XPC: variants seen among roughly 807,000 people sequenced by gnomAD.
The protein encoded by XPC is XPC complex subunit, DNA damage recognition and repair factor.
XPC carries 76 observed loss-of-function variants against 95.8 expected under a neutral mutation model. The observed-to-expected ratio is 0.79, with a 90% CI of 0.66 to 0.96. XPC has a LOEUF of 0.96. Ranked by LOEUF, XPC falls within the 40% of genes least tolerant of loss-of-function variation. XPC has a pLI of 0.00. For synonymous variants in XPC, 442 were observed against 442.1 expected (o/e 1.00, Z 0.00); for missense variants, 1,146 against 1,179.8 (o/e 0.97, Z 0.42).
intron 7 of XPC, 122 bp from the exon 8 acceptor site, chr3:14,159,952 AACAGTAGGCG>A: frequency 1.1e-6 from 1 of 912,570 alleles, no homozygotes; most frequent in South Asian, 1.6e-5. Flanking sequence ...CAGACTGTCT[AACAGTAGGCG>A]ACGGAAACTC....
At position 14,158,932 on chromosome 3, in the gene XPC, CT is replaced by C. The variant is rs757290484; in HGVS notation, c.991-41del. 1.2e-6 allele frequency: 2 copies of C among 1,610,722 alleles called. No individual in the cohort carries two copies. The highest frequency in any genetic ancestry group is 4.5e-5 in the East Asian group (2 of 44,862). ...GAAATTTTGCTTTTTTTTCTCCCCCCTCTTTTGCTAATGATATGATAGAAAT... is the reference window on the plus strand; with the variant it reads ...GAAATTTTGCTTTTTTTTCTCCCCCCCTTTTGCTAATGATATGATAGAAAT... On this transcript the variant is annotated intron_variant, in intron 8 of 15. Coordinates refer to ENST00000285021, the MANE Select transcript of XPC (RefSeq NM_004628.5). The surrounding 1 kb of genome is among the most constrained non-coding windows in gnomAD (Gnocchi z 5.2).
At chr3:14,160,445 C>T (rs1371977091) in intron 7 of XPC, among the ~76,000 whole-genome samples, 1 of 152,220 alleles carries the variant, frequency 6.6e-6, no homozygotes, top group Non-Finnish European at 1.5e-5. Flanking sequence ...TGTACTCGGC[C>T]AAGGCCTTCC....
chr3:14,146,098 C>A lies in XPC; in HGVS notation c.2666G>T (p.Gly889Val), dbSNP rs763832271. Residue 889 changes from glycine to valine, a missense_variant, in exon 16 of 16, where the codon GGG becomes GTG. Transcript: ENST00000285021. Reference sequence around the variant, plus strand: ...GGCCGCTTCTGCTTGAGAGCTGGTCCCCTCCTCTTCATCAGAAGAGAGTCC... The same window carrying A: ...GGCCGCTTCTGCTTGAGAGCTGGTCACCTCCTCTTCATCAGAAGAGAGTCC... ...GGGLSSDEEE[G>V]TSSQAEAARI... 1.2e-6 allele frequency: 2 copies of A among 1,612,050 alleles called. No individual in the cohort carries two copies. The highest frequency in any genetic ancestry group is 3.3e-5 in the Admixed American group (2 of 59,934).
In XPC at chr3:14,148,741, G is replaced by A. The variant is rs749311464; in HGVS notation, c.2251-10C>T. 1 of 1,613,904 alleles carries A rather than the reference G, an allele frequency of 6.2e-7. No individual in the cohort carries two copies. The highest frequency in any genetic ancestry group is 1.7e-5 in the Admixed American group (1 of 60,024). On this transcript the variant is annotated splice_polypyrimidine_tract_variant and intron_variant, in intron 12 of 15. Coordinates refer to ENST00000285021, the MANE Select transcript of XPC (RefSeq NM_004628.5). ...ACTCGTTCCGGGGCACCTGTGTCGG[G>A]TGAGCAAGTCAGCATTTGGCCAGCA...
Position 14,145,590 on chromosome 3 carries a change from G to C in XPC, c.*351C>G. On this transcript the variant is annotated 3_prime_UTR_variant, in exon 16 of 16. Transcript: ENST00000285021. Reference sequence around the variant, plus strand: ...ACCACCATCCAGAAATCTCCCGGTGGCTTCCATACAAAAACTGATGTTTCT... The same window carrying C: ...ACCACCATCCAGAAATCTCCCGGTGCCTTCCATACAAAAACTGATGTTTCT... 1.4e-6 allele frequency: 1 copy of C among 699,614 alleles called. No individual in the cohort carries two copies. Among genetic ancestry groups the C allele is most frequent in the South Asian group, 1.5e-5 (1 of 66,764 alleles). 43.3% of individuals were successfully genotyped at this position (699,614 alleles called of 1,614,324 possible).
At chr3:14,169,271 T>C (rs1272217044) in intron 3 of XPC, among the ~76,000 whole-genome samples, 1 of 152,172 alleles carries the variant, frequency 6.6e-6, no homozygotes, top group Non-Finnish European at 1.5e-5. Flanking sequence ...GTTTAAAGCA[T>C]CATCTAGGAA....
chr3:14,157,114 T>G (rs1559374429), intron 9 of XPC, among the ~76,000 whole-genome samples: 1 of 152,192 alleles, frequency 6.6e-6, no homozygotes, highest in Non-Finnish European at 1.5e-5. Context: ...GAGAGGACGC[T>G]GCACGTTCAG....
chr3:14,178,534 C>A lies in XPC; in HGVS notation c.35G>T (p.Arg12Leu). 6.2e-7 allele frequency: 1 copy of A among 1,612,980 alleles called. No individual in the cohort carries two copies. ...ARKRAAGGEP[R>L]GRELRSQKSK... The stretch of plus-strand genomic sequence containing the variant: ...TTTCTGGCTGCGCAGTTCGCGTCCC[C>A]GCGGCTCCCCGCCGGCCGCGCGTTT... Residue 12 changes from arginine to leucine, a missense_variant, in exon 1 of 16, where the codon CGG becomes CTG. Coordinates refer to ENST00000285021, the MANE Select transcript of XPC (RefSeq NM_004628.5).
chr3:14,177,908 T>G (rs77327593), intron 1 of XPC, among the ~76,000 whole-genome samples: 2,134 of 152,088 alleles, frequency 0.014, 35 homozygotes, highest in Admixed American at 0.036. Context: ...TGTGTGGACA[T>G]AAGAAAAAGG....
chr3:14,167,705 C>A (rs1349304641), intron 4 of XPC, among the ~76,000 whole-genome samples: 11 of 152,226 alleles, frequency 7.2e-5, no homozygotes, highest in African/African-American at 2.7e-4. Flanking sequence ...CTTGACACTT[C>A]TTGAATGATT....
In XPC at chr3:14,158,062, C is replaced by T. The variant is rs2125024633; in HGVS notation, c.1821G>A (p.Leu607=). ...CCATAAATGGGCTCTGGTATGGTCT[C>T]AAGGTCTCGGCCCACCACTCAGCAT... ...RVDAEWWAET[L]RPYQSPFMDR... The change falls in exon 9 of 16, where the codon TTG becomes TTA. Residue 607 remains leucine (L), a synonymous_variant. Transcript: ENST00000285021. The surrounding 1 kb of genome is among the most constrained non-coding windows in gnomAD (Gnocchi z 5.2). The T allele has an allele frequency of 2.5e-6, 4 of 1,613,426 alleles. No homozygotes were observed. The highest frequency in any genetic ancestry group is 1.7e-6 in the Non-Finnish European group (2 of 1,179,384).
chr3:14,155,589 G>A (rs567874674), intron 10 of XPC, among the ~76,000 whole-genome samples: 4 of 151,564 alleles, frequency 2.6e-5, no homozygotes, highest in East Asian at 1.9e-4. Flanking sequence ...ACGGAGTCTC[G>A]TTCTGTCACC....
rs1030900866 is a variant in XPC, at chr3:14,159,729, T to C, written c.990+12A>G. ...AATTGCTCCTCTTCTCTGGCAGCCC[T>C]GCGCACCTCACCTTTGCTGTTGCTG... On this transcript the variant is annotated intron_variant, in intron 8 of 15. Coordinates refer to ENST00000285021, the MANE Select transcript of XPC (RefSeq NM_004628.5). 1.3e-6 allele frequency: 2 copies of C among 1,556,330 alleles called. No homozygotes were observed. The highest frequency in any genetic ancestry group is 1.2e-5 in the South Asian group (1 of 84,246).
intron 4 of XPC, among the ~76,000 whole-genome samples, chr3:14,168,051 C>T (rs1299336621): frequency 1.3e-5 from 2 of 152,144 alleles, no homozygotes; most frequent in Non-Finnish European, 2.9e-5. Context: ...CACAGGAGTT[C>T]CCTCTCCTCA....
intron 7 of XPC, among the ~76,000 whole-genome samples, chr3:14,160,341 T>C (rs541669282): frequency 6.6e-6 from 1 of 152,326 alleles, no homozygotes; most frequent in East Asian, 1.9e-4. Context: ...TTTCCCCACA[T>C]TGAATCTTTA....
chr3:14,148,057 C>T, intron 13 of XPC, 56 bp from the exon 14 acceptor site: 2 of 1,449,814 alleles, frequency 1.4e-6, no homozygotes, highest in Non-Finnish European at 1.9e-6. Context: ...TCTGCCTCTC[C>T]TCCCTCCCCA....
intron 1 of XPC, chr3:14,178,264 G>A: frequency 3.4e-6 from 2 of 591,560 alleles, no homozygotes; most frequent in South Asian, 5.0e-5. Flanking sequence ...GGCGAAGCTC[G>A]CGGGAAACCG....
chr3:14,164,806 C>G lies in XPC; in HGVS notation c.900+7G>C. The G allele has an allele frequency of 1.9e-6, 3 of 1,612,458 alleles. No individual in the cohort carries two copies. Among genetic ancestry groups the G allele is most frequent in the Non-Finnish European group, 2.5e-6 (3 of 1,179,326 alleles). ...ATAAAAAACAGTGATCCGGGAGGAT[C>G]ACTTACATGGACCAATTCCTCATCA... On this transcript the variant is annotated splice_region_variant and intron_variant, in intron 7 of 15. Transcript: ENST00000285021.
intron 7 of XPC, among the ~76,000 whole-genome samples, chr3:14,160,648 G>A (rs1231462965): frequency 6.6e-6 from 1 of 152,230 alleles, no homozygotes; most frequent in Non-Finnish European, 1.5e-5. Context: ...CACACTGGAG[G>A]AGACTAAGGA....
Sources: gnomAD v4.1 joint callset for allele counts (sites outside exome capture counted in the v4.1 genomes callset) on GRCh38, gnomAD v4.1.1 for gene constraint, Gnocchi (gnomAD v3.1) non-coding constraint, MANE v1.5 for transcripts, NCBI Gene and HGNC (gene_info 2026-07-23, HGNC 2026-07-21) for gene names.